The following TRIM33 variants were observed in gnomAD, a reference collection of about 807,000 sequenced individuals.
The protein encoded by TRIM33 is tripartite motif containing 33.
TRIM33 carries 20 observed loss-of-function variants against 125.4 expected under a neutral mutation model. The ratio of observed to expected loss-of-function variants is 0.16; its 90% confidence interval spans 0.11 to 0.23. The LOEUF is 0.23. Ranked by LOEUF, TRIM33 falls within the 10% of genes least tolerant of loss-of-function variation. TRIM33 has a pLI of 1.00. For synonymous variants in TRIM33, 564 were observed against 513.9 expected, an observed-to-expected ratio of 1.10 and a Z score of -1.32; for missense variants, 920 against 1,411.4, an observed-to-expected ratio of 0.65 and a Z score of 5.58.
intron 4 of TRIM33, among the ~76,000 whole-genome samples, chr1:114,454,087 G>C (rs747487470): frequency 1.3e-5 from 2 of 152,142 alleles, no homozygotes; most frequent in Non-Finnish European, 2.9e-5. Context: ...AGGGAATCTT[G>C]ATCTTACAAG....
At chr1:114,434,060 C>T (rs1383404815) in intron 4 of TRIM33, among the ~76,000 whole-genome samples, 1 of 152,088 alleles carries the variant, frequency 6.6e-6, no homozygotes, top group Non-Finnish European at 1.5e-5. Context: ...AAAGCGTAAC[C>T]ACATTATAGA....
chr1:114,436,260 G>GGT (rs1648288812), intron 4 of TRIM33, among the ~76,000 whole-genome samples: 2 of 151,364 alleles, frequency 1.3e-5, no homozygotes, highest in Non-Finnish European at 2.9e-5. Flanking sequence ...AAATTAGCCC[G>GGT]GCATGGTGGT....
chr1:114,398,014 A>G, intron 18 of TRIM33, 24 bp from the exon 19 acceptor site: 1 of 1,589,596 alleles, frequency 6.3e-7, no homozygotes, highest in Non-Finnish European at 8.6e-7. Context: ...CAGAGTCAAA[A>G]AAAAAAAAGG....
At chr1:114,499,233 T>C (rs1317838912) in intron 1 of TRIM33, among the ~76,000 whole-genome samples, 2 of 152,164 alleles carry the variant, frequency 1.3e-5, no homozygotes, top group Admixed American at 1.3e-4. Flanking sequence ...TCTTAGTGAC[T>C]CTTCTTTAGG....
chr1:114,507,231 G>C (rs1653054347), intron 1 of TRIM33, among the ~76,000 whole-genome samples: 1 of 152,212 alleles, frequency 6.6e-6, no homozygotes, highest in African/African-American at 2.4e-5. Flanking sequence ...GCGTGAATCA[G>C]AATCACCTGG....
intron 11 of TRIM33, among the ~76,000 whole-genome samples, chr1:114,414,287 C>A (rs1557849872): frequency 6.6e-6 from 1 of 151,978 alleles, no homozygotes; most frequent in African/African-American, 2.4e-5. Context: ...CTGATCCTAC[C>A]CCACCAAAAC....
At position 114,405,734 on chromosome 1, in the gene TRIM33, G is replaced by A; in HGVS notation, c.2444C>T (p.Thr815Ile). The change falls in exon 15 of 20, where the codon ACA becomes ATA. Residue 815 changes from threonine to isoleucine, a missense_variant. Physicochemically the swap from Thr to Ile is moderately conservative, Grantham distance 89. This residue lies in a region of TRIM33 where 407 missense variants were observed against 589.7 expected (regional missense o/e 0.69). Coordinates refer to ENST00000358465, the MANE Select transcript of TRIM33 (RefSeq NM_015906.4). ...ATGCAGGTTGGTTGAGAGAGGTGGT[G>A]TCAAGCTACTCTCAGGACTGCTCAA... ...CMLSSPESSLTPPLSTNLHLE... is the reference protein window; with the variant it reads ...CMLSSPESSLIPPLSTNLHLE... The A allele has an allele frequency of 6.2e-7, 1 of 1,613,878 alleles. No homozygotes were observed. Among genetic ancestry groups the A allele is most frequent in the South Asian group, 1.1e-5 (1 of 91,022 alleles).
At chr1:114,431,713 A>C (rs1245925324) in intron 5 of TRIM33, among the ~76,000 whole-genome samples, 2 of 152,228 alleles carry the variant, frequency 1.3e-5, no homozygotes, top group Non-Finnish European at 2.9e-5. Flanking sequence ...TCATTTGCCA[A>C]GTTCGAATTT....
intron 1 of TRIM33, among the ~76,000 whole-genome samples, chr1:114,492,814 T>C (rs1652150239): frequency 6.6e-6 from 1 of 152,238 alleles, no homozygotes; most frequent in Non-Finnish European, 1.5e-5. Flanking sequence ...ATTCATCTGT[T>C]GAACACTTAA....
At chr1:114,492,839 T>C (rs1175017276) in intron 1 of TRIM33, among the ~76,000 whole-genome samples, 1 of 152,206 alleles carries the variant, frequency 6.6e-6, no homozygotes, top group Non-Finnish European at 1.5e-5. Context: ...ATTTCCACCT[T>C]TTGGCTACTG....
At chr1:114,492,682 C>T (rs1652142341) in intron 1 of TRIM33, among the ~76,000 whole-genome samples, 1 of 151,988 alleles carries the variant, frequency 6.6e-6, no homozygotes, top group Non-Finnish European at 1.5e-5. Context: ...TTATATTTGC[C>T]CTCTTATGTC....
At chr1:114,431,927 T>C (rs967751495) in intron 5 of TRIM33, among the ~76,000 whole-genome samples, 1 of 152,158 alleles carries the variant, frequency 6.6e-6, no homozygotes, top group African/African-American at 2.4e-5. Flanking sequence ...TAGAAATCAC[T>C]AAGCATGCTG....
At chr1:114,468,429 T>C in intron 1 of TRIM33, 1 of 361,348 alleles carries the variant, frequency 2.8e-6, no homozygotes, top group Admixed American at 4.1e-5. Context: ...GACCCAGCCC[T>C]TAGAAACAAA....
At chr1:114,419,200 CAAAAAAAAAAAAAA>C (rs35757503) in intron 11 of TRIM33, among the ~76,000 whole-genome samples, 1 of 54,324 alleles carries the variant, frequency 1.8e-5, no homozygotes, top group Non-Finnish European at 3.8e-5. Flanking sequence ...GACACCATCT[CAAAAAAAAAAAAAA>C]AAAAAAAGAA....
intron 9 of TRIM33, 98 bp from the exon 10 acceptor site, chr1:114,424,853 G>A: frequency 4.5e-6 from 4 of 886,702 alleles, no homozygotes; most frequent in Non-Finnish European, 6.3e-6. Flanking sequence ...CAAGATAAAA[G>A]GGTATAAAGT....
intron 10 of TRIM33, among the ~76,000 whole-genome samples, 176 bp from the exon 11 acceptor site, chr1:114,421,812 T>C (rs1243300171): frequency 6.6e-6 from 1 of 152,224 alleles, no homozygotes; most frequent in African/African-American, 2.4e-5. Context: ...CTATTCATTT[T>C]TGTATAGTAT....
chr1:114,440,088 C>T (rs1648563154), intron 4 of TRIM33, among the ~76,000 whole-genome samples: 1 of 152,090 alleles, frequency 6.6e-6, no homozygotes, highest in South Asian at 2.1e-4. Context: ...TAAGGGTATA[C>T]TAAGAGTAAC....
At chr1:114,454,516 T>C (rs1221786241) in intron 4 of TRIM33, among the ~76,000 whole-genome samples, 1 of 150,516 alleles carries the variant, frequency 6.6e-6, no homozygotes, top group Admixed American at 6.6e-5. Flanking sequence ...GAAGTCTTCA[T>C]CTCTACAAAA....
At chr1:114,404,923 GA>G (rs941251903) in intron 15 of TRIM33, 1 of 149,174 alleles carries the variant, frequency 6.7e-6, no homozygotes, top group Non-Finnish European at 1.5e-5. Context: ...GGAGAAGACT[GA>G]AAAAAACAAG....
Sources: allele counts gnomAD v4.1 joint callset (sites outside exome capture counted in the v4.1 genomes callset), GRCh38; gene constraint gnomAD v4.1.1; regional missense constraint gnomAD v4.1.1; transcripts MANE v1.5; gene names NCBI Gene and HGNC (gene_info 2026-07-23, HGNC 2026-07-21).